The following GRM8 variants were observed in gnomAD, a reference collection of about 807,000 sequenced individuals.
The protein encoded by GRM8 is metabotropic glutamate receptor 8.
In GRM8, 47 loss-of-function variants were observed where a neutral mutation model predicts 87.2. That is an observed-to-expected ratio of 0.54 (90% CI 0.43 to 0.69). The LOEUF (loss-of-function observed/expected upper bound fraction) is 0.69, where lower values mean the gene tolerates loss of function less well. Ranked by LOEUF, GRM8 falls within the 30% of genes least tolerant of loss-of-function variation. The probability of loss-of-function intolerance (pLI) is 0.00; values close to 1 mark genes in which losing one functional copy is unlikely to be tolerated. For missense variants in GRM8, 1,019 were observed against 1,139.2 expected (o/e 0.89, Z 1.52); for synonymous variants, 396 against 404.5 (o/e 0.98, Z 0.25).
chr7:126,846,798 C>A (rs1334466914), intron 6 of GRM8, among the ~76,000 whole-genome samples: 1 of 152,064 alleles, frequency 6.6e-6, no homozygotes, highest in Non-Finnish European at 1.5e-5. Context: ...CAGTTTAGTT[C>A]TAAAGGAGAG....
At chr7:126,622,395 C>T (rs1800267536) in intron 7 of GRM8, among the ~76,000 whole-genome samples, 1 of 152,178 alleles carries the variant, frequency 6.6e-6, no homozygotes, top group Non-Finnish European at 1.5e-5. Flanking sequence ...TCTCATCCCT[C>T]ACATATCCAA....
chr7:127,205,672 G>C (rs1448170753), intron 2 of GRM8, among the ~76,000 whole-genome samples: 1 of 152,140 alleles, frequency 6.6e-6, no homozygotes, highest in African/African-American at 2.4e-5. Flanking sequence ...GTCTATGGCA[G>C]GGTAGAGAGA....
chr7:126,520,113 G>A (rs749571626), intron 9 of GRM8, among the ~76,000 whole-genome samples: 1 of 151,920 alleles, frequency 6.6e-6, no homozygotes, highest in African/African-American at 2.4e-5. Flanking sequence ...AAATGAGAAG[G>A]AAAAACATAG....
chr7:127,006,429 CCA>C (rs1814312642), intron 3 of GRM8, among the ~76,000 whole-genome samples: 3 of 151,994 alleles, frequency 2.0e-5, no homozygotes, highest in Non-Finnish European at 4.4e-5. Context: ...CAGCTTCCGT[CCA>C]TTTATCTGCT....
intron 9 of GRM8, among the ~76,000 whole-genome samples, chr7:126,484,052 C>T (rs571214134): frequency 6.6e-6 from 1 of 152,056 alleles, no homozygotes; most frequent in East Asian, 1.9e-4. Context: ...TATCAGAAGG[C>T]CTCAATTTAT....
At chr7:126,522,801 C>T (rs1813199006) in intron 9 of GRM8, among the ~76,000 whole-genome samples, 1 of 152,246 alleles carries the variant, frequency 6.6e-6, no homozygotes, top group South Asian at 2.1e-4. Context: ...GTTCACCATC[C>T]CTGGTCCCAA....
chr7:127,176,320 T>C (rs998455224), intron 2 of GRM8, among the ~76,000 whole-genome samples: 1 of 152,194 alleles, frequency 6.6e-6, no homozygotes, highest in African/African-American at 2.4e-5. Context: ...ATGGTAGATA[T>C]TTATACAACT....
chr7:126,781,274 C>T (rs1253161113), intron 6 of GRM8, among the ~76,000 whole-genome samples: 1 of 152,212 alleles, frequency 6.6e-6, no homozygotes. Context: ...TCACTTGCCA[C>T]TCTGAGAATG....
intron 8 of GRM8, among the ~76,000 whole-genome samples, chr7:126,590,279 C>G (rs1446507451): frequency 6.6e-6 from 1 of 151,740 alleles, no homozygotes; most frequent in Admixed American, 6.6e-5. Context: ...GAAGAAAGAA[C>G]TTCAGAGCTC....
At chr7:126,588,360 T>A (rs563204853) in intron 8 of GRM8, among the ~76,000 whole-genome samples, 3 of 152,290 alleles carry the variant, frequency 2.0e-5, no homozygotes, top group East Asian at 3.9e-4. Context: ...GGTGGGGGTA[T>A]AAATTATTTC....
At chr7:126,524,980 G>A (rs1050715971) in intron 9 of GRM8, among the ~76,000 whole-genome samples, 1 of 150,164 alleles carries the variant, frequency 6.7e-6, no homozygotes, top group African/African-American at 2.5e-5. Flanking sequence ...TTTTTTTTTT[G>A]AGTCAGTTAA....
At chr7:126,615,711 C>T (rs965683662) in intron 7 of GRM8, among the ~76,000 whole-genome samples, 114 of 152,074 alleles carry the variant, frequency 7.5e-4, no homozygotes, top group Non-Finnish European at 1.3e-3. Flanking sequence ...CAAAAAAAGG[C>T]GGGGGTTGCA....
chr7:127,234,443 A>G (rs1441299370), intron 2 of GRM8, among the ~76,000 whole-genome samples: 1 of 152,216 alleles, frequency 6.6e-6, no homozygotes, highest in Non-Finnish European at 1.5e-5. Context: ...AAATCCACAC[A>G]ACAGCTGCTG....
chr7:126,989,642 C>T, intron 3 of GRM8, among the ~76,000 whole-genome samples: 1 of 150,450 alleles, frequency 6.6e-6, no homozygotes, highest in African/African-American at 2.5e-5. Context: ...TATAGCACTG[C>T]AAAAATGGGC....
chr7:126,503,014 G>A (rs758346591), intron 9 of GRM8, among the ~76,000 whole-genome samples: 5 of 151,932 alleles, frequency 3.3e-5, no homozygotes, highest in Non-Finnish European at 7.4e-5. Flanking sequence ...TATGGCAAGT[G>A]GGATTGGTTC....
chr7:127,223,287 C>T (rs543220748), intron 2 of GRM8, among the ~76,000 whole-genome samples: 3 of 152,182 alleles, frequency 2.0e-5, no homozygotes, highest in Non-Finnish European at 4.4e-5. Context: ...CCTGGAAACA[C>T]CAATACACAT....
At chr7:126,565,286 A>G (rs998939065) in intron 8 of GRM8, among the ~76,000 whole-genome samples, 30 of 152,196 alleles carry the variant, frequency 2.0e-4, no homozygotes, top group Non-Finnish European at 2.9e-5. Flanking sequence ...TTATGTATAG[A>G]AAACTCTAAA....
chr7:127,055,609 G>A (rs1344729467), intron 3 of GRM8, among the ~76,000 whole-genome samples: 5 of 151,856 alleles, frequency 3.3e-5, no homozygotes, highest in South Asian at 2.1e-4. Flanking sequence ...CATTACTAAC[G>A]GTCTCAGCAA....
chr7:126,740,363 T>A (rs1248999127), intron 7 of GRM8, among the ~76,000 whole-genome samples: 1 of 152,224 alleles, frequency 6.6e-6, no homozygotes, highest in Middle Eastern at 3.4e-3. Flanking sequence ...TTGTATCAAG[T>A]CAAATTGAAT....
Sources: allele counts gnomAD v4.1 joint callset (sites outside exome capture counted in the v4.1 genomes callset), GRCh38; gene constraint gnomAD v4.1.1; transcripts MANE v1.5; gene names NCBI Gene and HGNC (gene_info 2026-07-23, HGNC 2026-07-21).